Variants in LINGO2 observed in about 807,000 individuals in gnomAD.
LINGO2 encodes the protein leucine-rich repeat and immunoglobulin-like domain-containing nogo receptor-interacting protein 2.
LINGO2 carries 14 observed loss-of-function variants against 30.6 expected under a neutral mutation model. That is an observed-to-expected ratio of 0.46 (90% confidence interval 0.30 to 0.72). The LOEUF is 0.72. Ranked by LOEUF, LINGO2 falls within the 30% of genes least tolerant of loss-of-function variation. The pLI is 0.07. For missense variants in LINGO2, 729 were observed against 751.7 expected, an observed-to-expected ratio of 0.97 and a Z score of 0.35; for synonymous variants, 317 against 288.5, an observed-to-expected ratio of 1.10 and a Z score of -1.00.
chr9:28,302,601 GT>G (rs1824190713), intron 3 of LINGO2, among the ~76,000 whole-genome samples: 1 of 152,142 alleles, frequency 6.6e-6, no homozygotes, highest in Non-Finnish European at 1.5e-5. Flanking sequence ...AACCCAGGAA[GT>G]TGTGGCTGTA....
At chr9:28,628,490 G>T (rs923024756) in intron 1 of LINGO2, among the ~76,000 whole-genome samples, 13 of 152,134 alleles carry the variant, frequency 8.5e-5, no homozygotes, top group Non-Finnish European at 2.9e-5. Flanking sequence ...TACAGAGAAG[G>T]TTCCTCAGTA....
At chr9:28,156,464 CAG>C in intron 4 of LINGO2, among the ~76,000 whole-genome samples, 1 of 152,328 alleles carries the variant, frequency 6.6e-6, no homozygotes, top group African/African-American at 2.4e-5. Flanking sequence ...TCTTATGACA[CAG>C]GGATTTTTAA....
At chr9:28,987,819 A>C in the LINGO2 span, among the ~76,000 whole-genome samples, 1 of 152,060 alleles carries the variant, frequency 6.6e-6, no homozygotes, top group East Asian at 1.9e-4. Flanking sequence ...ATATTGTTTA[A>C]TTTCCATGTA....
intron 4 of LINGO2, among the ~76,000 whole-genome samples, chr9:28,246,802 T>G (rs1215607943): frequency 6.6e-6 from 1 of 152,062 alleles, no homozygotes; most frequent in African/African-American, 2.4e-5. Context: ...AAACTATCGT[T>G]AGATTGAACA....
intron 1 of LINGO2, among the ~76,000 whole-genome samples, chr9:28,550,991 C>A (rs1049911531): frequency 6.6e-6 from 1 of 151,698 alleles, no homozygotes; most frequent in Non-Finnish European, 1.5e-5. Flanking sequence ...AGCATGAATA[C>A]AAATGAGAAT....
chr9:28,838,022 A>G, the LINGO2 span, among the ~76,000 whole-genome samples: 1 of 152,124 alleles, frequency 6.6e-6, no homozygotes, highest in Non-Finnish European at 1.5e-5. Context: ...AAAGGAGAAA[A>G]AAATGTTTGA....
At chr9:28,819,797 G>T in the LINGO2 span, among the ~76,000 whole-genome samples, 1 of 152,148 alleles carries the variant, frequency 6.6e-6, no homozygotes, top group Non-Finnish European at 1.5e-5. Context: ...TTCCTTGTGA[G>T]TTTATGAAGT....
At chr9:28,916,533 T>C in the LINGO2 span, among the ~76,000 whole-genome samples, 2 of 152,186 alleles carry the variant, frequency 1.3e-5, no homozygotes, top group African/African-American at 4.8e-5. Flanking sequence ...GATAAACTCT[T>C]TCAACCAATT....
intron 4 of LINGO2, among the ~76,000 whole-genome samples, chr9:28,293,222 T>C (rs1823800852): frequency 6.6e-6 from 1 of 152,052 alleles, no homozygotes; most frequent in Admixed American, 6.6e-5. Context: ...CTCAGCCTCC[T>C]AAGTAGCTGG....
chr9:28,561,735 T>TTGTGTG (rs72145510), intron 1 of LINGO2, among the ~76,000 whole-genome samples: 917 of 43,660 alleles, frequency 0.021, 87 homozygotes, highest in Non-Finnish European at 0.037. Context: ...ATATATAATT[T>TTGTGTG]TGTGTGTGTG....
At chr9:28,793,341 A>G in the LINGO2 span, among the ~76,000 whole-genome samples, 8 of 152,218 alleles carry the variant, frequency 5.3e-5, no homozygotes, top group Non-Finnish European at 1.2e-4. Flanking sequence ...CCTATCATCT[A>G]CTTAAAAAAT....
At chr9:29,184,260 C>T in the LINGO2 span, among the ~76,000 whole-genome samples, 1 of 151,534 alleles carries the variant, frequency 6.6e-6, no homozygotes, top group Admixed American at 6.6e-5. Flanking sequence ...TTGCAATTGG[C>T]TAACTGTTCA....
intron 2 of LINGO2, among the ~76,000 whole-genome samples, chr9:28,384,919 C>T (rs903895156): frequency 2.6e-5 from 4 of 152,066 alleles, no homozygotes; most frequent in Non-Finnish European, 4.4e-5. Flanking sequence ...AATAGCACTC[C>T]ACTGTTTTCT....
the LINGO2 span, among the ~76,000 whole-genome samples, chr9:29,020,769 A>T: frequency 6.6e-6 from 1 of 152,148 alleles, no homozygotes; most frequent in South Asian, 2.1e-4. Context: ...GAGTAATAGC[A>T]CAGAGGTGAT....
the LINGO2 span, among the ~76,000 whole-genome samples, chr9:29,026,004 G>T: frequency 6.6e-6 from 1 of 152,062 alleles, no homozygotes; most frequent in African/African-American, 2.4e-5. Context: ...CTGTTCCATT[G>T]TGCAGAAATT....
chr9:28,378,043 C>T (rs1363676861), intron 2 of LINGO2, among the ~76,000 whole-genome samples: 1 of 152,184 alleles, frequency 6.6e-6, no homozygotes, highest in Non-Finnish European at 1.5e-5. Context: ...AATTCTAGAT[C>T]AAATCATTTA....
chr9:28,882,952 C>T, the LINGO2 span, among the ~76,000 whole-genome samples: 3 of 152,200 alleles, frequency 2.0e-5, no homozygotes, highest in Admixed American at 6.5e-5. Flanking sequence ...CCCTCTGATA[C>T]ATTATTTACA....
chr9:29,127,174 T>C, the LINGO2 span, among the ~76,000 whole-genome samples: 1 of 152,132 alleles, frequency 6.6e-6, no homozygotes, highest in Non-Finnish European at 1.5e-5. Context: ...CTGTAACCAA[T>C]GCTCTTCAGC....
chr9:28,358,970 A>C (rs1158588003), intron 3 of LINGO2, among the ~76,000 whole-genome samples: 3 of 152,132 alleles, frequency 2.0e-5, no homozygotes, highest in Non-Finnish European at 1.5e-5. Flanking sequence ...AGCTGTTGTC[A>C]AGGCTTGATA....
Sources: allele counts gnomAD v4.1 joint callset (sites outside exome capture counted in the v4.1 genomes callset), GRCh38; gene constraint gnomAD v4.1.1; transcripts MANE v1.5; gene names NCBI Gene and HGNC (gene_info 2026-07-23, HGNC 2026-07-21).